RALGAPA2: variants seen among roughly 807,000 people sequenced by gnomAD.
RALGAPA2 encodes the protein Ral GTPase activating protein catalytic subunit alpha 2, also known as ral GTPase-activating protein subunit alpha-2.
A neutral mutation model predicts 230.4 loss-of-function variants in RALGAPA2; 139 were observed. The ratio of observed to expected loss-of-function variants is 0.60; its 90% CI spans 0.53 to 0.69. RALGAPA2 has a LOEUF of 0.69. Among genes scored for constraint, RALGAPA2 ranks in the 30% least tolerant of loss-of-function variants. RALGAPA2 has a pLI of 0.00. For missense variants in RALGAPA2, 2,163 were observed against 2,276.0 expected (o/e 0.95, Z 1.01); for synonymous variants, 847 against 837.8 (o/e 1.01, Z -0.19).
chr20:20,408,027 C>A (rs1363726231), intron 38 of RALGAPA2, among the ~76,000 whole-genome samples: 1 of 152,180 alleles, frequency 6.6e-6, no homozygotes, highest in Non-Finnish European at 1.5e-5. Context: ...CTGACCATAT[C>A]TTGGAGAAAT....
chr20:20,395,608 C>T (rs570052948), intron 39 of RALGAPA2, among the ~76,000 whole-genome samples: 18 of 152,230 alleles, frequency 1.2e-4, no homozygotes, highest in African/African-American at 4.3e-4. Flanking sequence ...CTCTGAGGCT[C>T]GTGTCACCTG....
At chr20:20,643,063 T>C (rs970447963) in intron 5 of RALGAPA2, among the ~76,000 whole-genome samples, 1 of 152,220 alleles carries the variant, frequency 6.6e-6, no homozygotes, top group African/African-American at 2.4e-5. Context: ...TGTTGTTCTT[T>C]TCTCCCACAA....
rs756988269 is a variant in RALGAPA2, at chr20:20,438,776, T to C, written c.5496-26628A>G. On this transcript the variant is annotated intron_variant, in intron 37 of 39. Transcript: ENST00000202677. ...ATCAGACTAAAAGACGGACTAATTA[T>C]TTATATATATGTATTTCCCCCCAAA... Among the ~76,000 whole-genome samples the C allele has an allele frequency of 1.2e-4, 19 of 152,234 alleles. No individual in the cohort carries two copies. The South Asian group carries it at 1.7e-3, about 13-fold the overall frequency.
At chr20:20,465,458 C>G (rs73287275) in intron 37 of RALGAPA2, among the ~76,000 whole-genome samples, 2 of 152,156 alleles carry the variant, frequency 1.3e-5, no homozygotes, top group Middle Eastern at 3.4e-3. Context: ...GGAAGCAGCA[C>G]GCTCCCTATG....
At chr20:20,512,419 C>T in intron 32 of RALGAPA2, 94 bp downstream of exon 32, 6 of 1,264,782 alleles carry the variant, frequency 4.7e-6, no homozygotes, top group Non-Finnish European at 6.4e-6. Flanking sequence ...CTCTCTTCCC[C>T]AATCTTTTCT....
At chr20:20,582,161 AGTGTGTGTGTGT>A (rs35240382) in intron 20 of RALGAPA2, among the ~76,000 whole-genome samples, 13 of 146,160 alleles carry the variant, frequency 8.9e-5, no homozygotes, top group South Asian at 4.5e-4. Context: ...AGTGTCACAC[AGTGTGTGTGTGT>A]GTGTGTGTGT....
chr20:20,403,767 G>A (rs1049318370), intron 38 of RALGAPA2, among the ~76,000 whole-genome samples: 1 of 152,182 alleles, frequency 6.6e-6, no homozygotes, highest in African/African-American at 2.4e-5. Flanking sequence ...TGGGATGCAC[G>A]CTGACTGCAG....
At chr20:20,621,814 T>A (rs2066333210) in intron 10 of RALGAPA2, among the ~76,000 whole-genome samples, 1 of 152,180 alleles carries the variant, frequency 6.6e-6, no homozygotes, top group Non-Finnish European at 1.5e-5. Context: ...GAGGGAGAGG[T>A]TCCCCATACT....
chr20:20,703,575 T>C (rs16982082), intron 1 of RALGAPA2, among the ~76,000 whole-genome samples: 1,692 of 152,274 alleles, frequency 0.011, 29 homozygotes, highest in African/African-American at 0.039. Flanking sequence ...TATGAACTGA[T>C]TGCTTAAGGT....
At position 20,524,857 on chromosome 20, in the gene RALGAPA2, C is replaced by T. The variant is rs763280327; in HGVS notation, c.3735G>A (p.Glu1245=). The T allele has an allele frequency of 2.5e-6, 4 of 1,610,884 alleles. No individual in the cohort carries two copies. Among genetic ancestry groups the T allele is most frequent in the South Asian group, 2.2e-5 (2 of 90,116 alleles). The change falls in exon 29 of 40, where the codon GAG becomes GAA. Residue 1245 remains glutamate (E), a synonymous_variant. Coordinates refer to ENST00000202677, the MANE Select transcript of RALGAPA2 (RefSeq NM_020343.4). The part of the protein sequence containing the change: ...ATVAFLLPSA[E]YSSVETDKKF... ...TCTTGTCTGTTTCCACTGAGGAGTA[C>T]TCTGCACTTGGTAAAAGAAAAGCAA...
chr20:20,526,060 T>C (rs2063191731), intron 28 of RALGAPA2, among the ~76,000 whole-genome samples, 192 bp downstream of exon 28: 1 of 152,250 alleles, frequency 6.6e-6, no homozygotes, highest in South Asian at 2.1e-4. Flanking sequence ...TCTGGAATAC[T>C]GCTGGCTTCT....
In RALGAPA2 at chr20:20,403,201, C is replaced by T. The variant is rs549720051; in HGVS notation, c.5618-6467G>A. On this transcript the variant is annotated intron_variant, in intron 38 of 39. Transcript: ENST00000202677. ...GAGCAGACACTGCCGTCTCCTTTCC[C>T]GTCTGGAAGGTGAGCCTCCAGTGAA... Among the ~76,000 whole-genome samples, 5 of 152,326 alleles carry T rather than the reference C, an allele frequency of 3.3e-5. No homozygotes were observed. The East Asian group carries it at 7.7e-4, about 23-fold the overall frequency.
At chr20:20,467,207 T>C (rs896654654) in intron 37 of RALGAPA2, among the ~76,000 whole-genome samples, 1 of 152,210 alleles carries the variant, frequency 6.6e-6, no homozygotes, top group African/African-American at 2.4e-5. Context: ...CAGATGATAG[T>C]ATTTTATTTT....
chr20:20,564,921 CT>C (rs1165311115), intron 23 of RALGAPA2, among the ~76,000 whole-genome samples: 1 of 152,100 alleles, frequency 6.6e-6, no homozygotes, highest in African/African-American at 2.4e-5. Flanking sequence ...TTGTATAAAC[CT>C]ATAGTTTTTT....
chr20:20,618,995 A>G (rs182439031), intron 12 of RALGAPA2, among the ~76,000 whole-genome samples: 5 of 152,364 alleles, frequency 3.3e-5, no homozygotes, highest in African/African-American at 1.2e-4. Context: ...AGATTTAAAT[A>G]TCAGCCATTT....
intron 5 of RALGAPA2, among the ~76,000 whole-genome samples, chr20:20,642,213 T>C (rs537150678): frequency 5.6e-4 from 83 of 148,578 alleles, no homozygotes; most frequent in African/African-American, 1.9e-3. Flanking sequence ...TTTTCTTTTT[T>C]TGAGGCAGGG....
In RALGAPA2 at chr20:20,395,634, G is replaced by A. The variant is rs116670047; in HGVS notation, c.*35+1061C>T. Reference sequence around the variant, plus strand: ...GTGTCACCTGTTGGGGCTGACACGAGTGAGCCCAGTTTGGGACAATATCAG... The same window carrying A: ...GTGTCACCTGTTGGGGCTGACACGAATGAGCCCAGTTTGGGACAATATCAG... On this transcript the variant is annotated intron_variant, in intron 39 of 39. Transcript: ENST00000202677. Among the ~76,000 whole-genome samples, 930 of 152,270 alleles carry A rather than the reference G, an allele frequency of 6.1e-3. 12 individuals are homozygous for A. The highest frequency in any genetic ancestry group is 0.021 in the African/African-American group (893 of 41,558).
intron 3 of RALGAPA2, among the ~76,000 whole-genome samples, chr20:20,675,238 G>A (rs1447843667): frequency 6.6e-6 from 1 of 152,128 alleles, no homozygotes; most frequent in Non-Finnish European, 1.5e-5. Flanking sequence ...TCTGGGAAAG[G>A]AGTATAGCTC....
intron 9 of RALGAPA2, 36 bp from the exon 10 acceptor site, chr20:20,629,626 AC>A (rs764730578): frequency 7.5e-6 from 12 of 1,599,460 alleles, no homozygotes; most frequent in Non-Finnish European, 9.4e-6. Context: ...AATGATGCTC[AC>A]CCCCACTCAA....
Sources: gnomAD v4.1 joint callset for allele counts (sites outside exome capture counted in the v4.1 genomes callset) on GRCh38, gnomAD v4.1.1 for gene constraint, MANE v1.5 for transcripts, NCBI Gene and HGNC (gene_info 2026-07-23, HGNC 2026-07-21) for gene names.